The following MAN1C1 variants were observed in gnomAD, a reference collection of about 807,000 sequenced individuals.
MAN1C1 encodes the protein mannosidase alpha class 1C member 1.
Under a neutral mutation model 71.5 loss-of-function variants are expected in MAN1C1, and 49 were observed. The ratio of observed to expected loss-of-function variants is 0.69; its 90% confidence interval spans 0.54 to 0.87. The LOEUF (loss-of-function observed/expected upper bound fraction) is 0.87. Among genes scored for constraint, MAN1C1 ranks in the 40% least tolerant of loss-of-function variants. MAN1C1 has a pLI of 0.00. For synonymous variants in MAN1C1, 352 were observed against 343.7 expected, an observed-to-expected ratio of 1.02 and a Z score of -0.27; for missense variants, 743 against 835.0, an observed-to-expected ratio of 0.89 and a Z score of 1.36.
intron 2 of MAN1C1, among the ~76,000 whole-genome samples, chr1:25,723,607 G>A (rs1266091684): frequency 6.6e-6 from 1 of 152,182 alleles, no homozygotes; most frequent in African/African-American, 2.4e-5. Context: ...TCTTAGTGGA[G>A]TTTCTGGGTG....
At chr1:25,669,770 G>GC (rs1426417251) in intron 1 of MAN1C1, among the ~76,000 whole-genome samples, 2 of 152,102 alleles carry the variant, frequency 1.3e-5, no homozygotes, top group Non-Finnish European at 2.9e-5. Flanking sequence ...GGATGACAGA[G>GC]CAAGACTCTG....
intron 1 of MAN1C1, among the ~76,000 whole-genome samples, chr1:25,669,489 G>A (rs1180339985): frequency 3.9e-5 from 6 of 152,118 alleles, no homozygotes; most frequent in East Asian, 3.9e-4. Flanking sequence ...TGGCACCATC[G>A]GGCACACTGG....
intron 1 of MAN1C1, among the ~76,000 whole-genome samples, chr1:25,637,172 A>G (rs2045475021): frequency 6.8e-6 from 1 of 146,080 alleles, no homozygotes; most frequent in South Asian, 2.1e-4. Context: ...AAATTAAATT[A>G]AAAAATAATT....
chr1:25,720,594 GA>G (rs1233527345), intron 2 of MAN1C1, among the ~76,000 whole-genome samples: 1 of 152,180 alleles, frequency 6.6e-6, no homozygotes, highest in African/African-American at 2.4e-5. Context: ...TGGGACATAT[GA>G]TTTGCAAGTA....
intron 2 of MAN1C1, among the ~76,000 whole-genome samples, chr1:25,688,705 T>A (rs1024825069): frequency 1.3e-5 from 2 of 152,250 alleles, no homozygotes; most frequent in African/African-American, 4.8e-5. Context: ...CTGAGCTATG[T>A]GGCCAAATCC....
At chr1:25,653,577 C>T (rs1274877019) in intron 1 of MAN1C1, among the ~76,000 whole-genome samples, 1 of 152,208 alleles carries the variant, frequency 6.6e-6, no homozygotes, top group African/African-American at 2.4e-5. Context: ...CCTGATTTTT[C>T]TGAATGTTCT....
rs1366824633 is a variant in MAN1C1, at chr1:25,645,308, G to C, written c.540+26971G>C. The C allele has an allele frequency of 4.6e-5, 7 of 152,368 alleles. No homozygotes were observed. The East Asian group carries it at 1.3e-3, about 29-fold the overall frequency. 9.4% of individuals were successfully genotyped at this position (152,368 alleles called of 1,614,324 possible). ...GCTGTCTGCTTTCTGGCTTCCCACT[G>C]AGAGTGCAAGAGCTCACCTGAGGAC... On this transcript the variant is annotated intron_variant, in intron 1 of 11. Coordinates refer to ENST00000374332, the MANE Select transcript of MAN1C1 (RefSeq NM_020379.4).
rs753423815 is a variant in MAN1C1 at position 25,746,810 on chromosome 1, G to C, written c.753+27G>C. The stretch of plus-strand genomic sequence containing the variant: ...TGAGTCAGAGGCCCTCGGCGGGGGA[G>C]GGGGGCGGGGGCCAGAAGAGGCCCA... On this transcript the variant is annotated intron_variant, in intron 3 of 11. Transcript: ENST00000374332. This position sits in a 1 kb window ranked among gnomAD's most constrained non-coding sequence, Gnocchi z 4.0. The C allele has an allele frequency of 3.1e-6, 4 of 1,296,958 alleles. No individual in the cohort carries two copies. Among genetic ancestry groups the C allele is most frequent in the African/African-American group, 1.5e-5 (1 of 67,962 alleles). The allele number at this position is 1,296,958 out of a possible 1,614,324, so 80.3% of individuals were successfully genotyped here.
Position 25,749,239 on chromosome 1 carries a change from T to C in MAN1C1, c.754-16T>C, listed in dbSNP as rs890686194. On this transcript the variant is annotated splice_polypyrimidine_tract_variant and intron_variant, in intron 3 of 11. Transcript: ENST00000374332. ...CAAGTGTCCCCACTGTCCCCCTCCT[T>C]CTTTCTGTCCTGCAGAGCGGAGAAG... 1.9e-6 allele frequency: 3 copies of C among 1,608,082 alleles called. No individual in the cohort carries two copies. The highest frequency in any genetic ancestry group is 2.5e-6 in the Non-Finnish European group (3 of 1,176,530).
chr1:25,728,767 C>T (rs998672690), intron 2 of MAN1C1, among the ~76,000 whole-genome samples: 2 of 152,174 alleles, frequency 1.3e-5, no homozygotes, highest in Non-Finnish European at 2.9e-5. Flanking sequence ...GGCTGGGAAA[C>T]GCAGTGCCTG....
At chr1:25,644,105 C>T (rs2045576372) in intron 1 of MAN1C1, among the ~76,000 whole-genome samples, 1 of 152,152 alleles carries the variant, frequency 6.6e-6, no homozygotes, top group Non-Finnish European at 1.5e-5. Context: ...ACCATGGTAA[C>T]ACCATGGAGA....
chr1:25,777,957 G>T, intron 8 of MAN1C1, 148 bp from the exon 9 acceptor site: 1 of 621,562 alleles, frequency 1.6e-6, no homozygotes, highest in Non-Finnish European at 2.8e-6. Flanking sequence ...GACCAGCAGA[G>T]ATCAATGGGC....
chr1:25,671,032 A>G (rs2045986350), intron 1 of MAN1C1, among the ~76,000 whole-genome samples: 3 of 152,100 alleles, frequency 2.0e-5, no homozygotes, highest in Admixed American at 1.3e-4. Context: ...GCGTGCCACC[A>G]TGCCCAGTTA....
chr1:25,713,055 T>C (rs181676152), intron 2 of MAN1C1, among the ~76,000 whole-genome samples: 28 of 152,366 alleles, frequency 1.8e-4, no homozygotes, highest in Non-Finnish European at 1.2e-4. Flanking sequence ...TGCATAATCC[T>C]TCTAACCTTA....
rs543549462 is a variant in MAN1C1 at position 25,634,115 on chromosome 1, A to T, written c.540+15778A>T. On this transcript the variant is annotated intron_variant, in intron 1 of 11. Coordinates refer to ENST00000374332, the MANE Select transcript of MAN1C1 (RefSeq NM_020379.4). This position sits in a 1 kb window ranked among gnomAD's most constrained non-coding sequence, Gnocchi z 4.6. Reference sequence around the variant, plus strand: ...CTTATTGAACCAATTTATTATGTATATATATTTTTTGGTAGCTTTCTTAGG... The same window carrying T: ...CTTATTGAACCAATTTATTATGTATTTATATTTTTTGGTAGCTTTCTTAGG... 4.6e-5 allele frequency among the ~76,000 whole-genome samples: 7 copies of T among 152,260 alleles called. No homozygotes were observed. The South Asian group carries it at 1.5e-3, about 32-fold the overall frequency.
chr1:25,733,350 C>T (rs551965748), intron 2 of MAN1C1, among the ~76,000 whole-genome samples: 1 of 152,256 alleles, frequency 6.6e-6, no homozygotes, highest in African/African-American at 2.4e-5. Flanking sequence ...CTTGAAGCCC[C>T]AGGGCCATGT....
At chr1:25,625,824 G>GA (rs924594212) in intron 1 of MAN1C1, among the ~76,000 whole-genome samples, 14 of 150,996 alleles carry the variant, frequency 9.3e-5, no homozygotes, top group East Asian at 1.9e-4. Context: ...CTGTCTCAAA[G>GA]AAAAAAAAAG....
At chr1:25,768,862 TAC>T (rs549630336) in intron 7 of MAN1C1, among the ~76,000 whole-genome samples, 79 of 123,124 alleles carry the variant, frequency 6.4e-4, no homozygotes, top group African/African-American at 2.0e-3. Context: ...ACACTCTCCC[TAC>T]ACACACTCCC....
At chr1:25,689,861 G>A (rs775943610) in intron 2 of MAN1C1, among the ~76,000 whole-genome samples, 10 of 152,328 alleles carry the variant, frequency 6.6e-5, no homozygotes, top group East Asian at 3.9e-4. Context: ...CCTGGTGCTC[G>A]GCTTGGACAC....
Sources: gnomAD v4.1 joint callset for allele counts (sites outside exome capture counted in the v4.1 genomes callset) on GRCh38, gnomAD v4.1.1 for gene constraint, Gnocchi (gnomAD v3.1) non-coding constraint, MANE v1.5 for transcripts, NCBI Gene and HGNC (gene_info 2026-07-23, HGNC 2026-07-21) for gene names.